RP1: variants seen among roughly 807,000 people sequenced by gnomAD.
The protein encoded by RP1 is RP1 axonemal microtubule associated, also known as oxygen-regulated protein 1.
RP1 carries 16 observed loss-of-function variants against 14.8 expected under a neutral mutation model. That is an observed-to-expected ratio of 1.08 (90% CI 0.73 to 1.65). RP1 has a LOEUF of 1.65. Ranked by LOEUF, RP1 falls within the 40% of genes most tolerant of loss-of-function variation. The probability of loss-of-function intolerance (pLI) is 0.00; values close to 1 mark genes in which losing one functional copy is unlikely to be tolerated. For synonymous variants in RP1, 876 were observed against 883.6 expected (o/e 0.99, Z 0.15); for missense variants, 2,631 against 2,535.0 (o/e 1.04, Z -0.81).
chr8:54,631,019 TATG>T (rs1806237490), downstream of RP1, among the ~76,000 whole-genome samples: 2 of 152,196 alleles, frequency 1.3e-5, no homozygotes, highest in African/African-American at 2.4e-5. Flanking sequence ...TGCATGACTA[TATG>T]ATGATATAGA....
chr8:54,722,188 C>T (rs1483301056), intron 16 of RP1, among the ~76,000 whole-genome samples: 1 of 149,796 alleles, frequency 6.7e-6, no homozygotes. Context: ...GCTGAGAACG[C>T]TCCCCTGCAC....
chr8:54,686,453 G>GT (rs1274473271), intron 12 of RP1, among the ~76,000 whole-genome samples: 7 of 151,166 alleles, frequency 4.6e-5, no homozygotes, highest in African/African-American at 1.5e-4. Context: ...TGTGAATTTA[G>GT]TTTTTTCCAT....
In RP1 at chr8:54,622,104, T is replaced by C; in HGVS notation, c.616-13T>C. The C allele has an allele frequency of 6.2e-7, 1 of 1,614,068 alleles. No homozygotes were observed. Among genetic ancestry groups the C allele is most frequent in the Non-Finnish European group, 8.5e-7 (1 of 1,179,930 alleles). On this transcript the variant is annotated splice_polypyrimidine_tract_variant and intron_variant, in intron 2 of 3. Coordinates refer to ENST00000220676, the MANE Select transcript of RP1 (RefSeq NM_006269.2). ...TGTGCTCATCTCAGGATAATGACTC[T>C]GGTCTCTTTTAGGTTCCCAGCCTCC...
At chr8:54,870,362 G>T (rs1812561159) in exon 29 of RP1, 1 of 154,614 alleles carries the variant, frequency 6.5e-6, no homozygotes, top group Non-Finnish European at 1.4e-5. Flanking sequence ...AACATTTGAT[G>T]CATGAAAAAC....
intron 1 of RP1, among the ~76,000 whole-genome samples, chr8:54,619,470 T>C (rs1399414508): frequency 1.3e-5 from 2 of 152,228 alleles, no homozygotes; most frequent in African/African-American, 4.8e-5. Context: ...AAGACACTAA[T>C]AATTAAAATG....
chr8:54,596,855 T>G (rs986031356), intron 1 of RP1, among the ~76,000 whole-genome samples: 1 of 152,232 alleles, frequency 6.6e-6, no homozygotes, highest in African/African-American at 2.4e-5. Flanking sequence ...TGGGTCCACC[T>G]CTGAAATTTT....
intron 25 of RP1, among the ~76,000 whole-genome samples, chr8:54,848,394 C>T (rs1811979408): frequency 6.6e-6 from 1 of 152,168 alleles, no homozygotes; most frequent in African/African-American, 2.4e-5. Flanking sequence ...GAGAGATAAA[C>T]TTCAGGTGTC....
At chr8:54,693,628 T>G (rs1807776974) in intron 12 of RP1, among the ~76,000 whole-genome samples, 1 of 152,156 alleles carries the variant, frequency 6.6e-6, no homozygotes, top group Admixed American at 6.6e-5. Context: ...TTGTCTGTTA[T>G]TGGTGTATAA....
Position 54,622,197 on chromosome 8 carries a change from T to A in RP1, c.696T>A (p.Tyr232Ter). 1 of 1,614,230 alleles carries A rather than the reference T, an allele frequency of 6.2e-7. No individual in the cohort carries two copies. Among genetic ancestry groups the A allele is most frequent in the Non-Finnish European group, 8.5e-7 (1 of 1,180,046 alleles). Residue 232 changes from tyrosine to a stop codon, truncating the protein, a stop_gained, in exon 3 of 4, where the codon TAT becomes TAA. Coordinates refer to ENST00000220676, the MANE Select transcript of RP1 (RefSeq NM_006269.2). LOFTEE classifies it high-confidence loss of function. Reference sequence around the variant, plus strand: ...GGGAGCCATTTAAACCAGGAAATTATGACATCCAAAAATACTTGCTTCCTG... The same window carrying A: ...GGGAGCCATTTAAACCAGGAAATTAAGACATCCAAAAATACTTGCTTCCTG... ...AGREPFKPGN[Y>*]DIQKYLLPAR...
At chr8:54,630,960 G>A (rs1227894885), downstream of RP1, 1 of 448,282 alleles carries the variant, frequency 2.2e-6, no homozygotes, top group Non-Finnish European at 2.9e-6. Flanking sequence ...GAATAATTGT[G>A]GTGTATTTCC....
At chr8:54,717,133 AG>A (rs1438968951) in intron 15 of RP1, among the ~76,000 whole-genome samples, 1 of 152,128 alleles carries the variant, frequency 6.6e-6, no homozygotes, top group Non-Finnish European at 1.5e-5. Flanking sequence ...CCCGTCCTCC[AG>A]GTTCTAGGAA....
At chr8:54,754,253 CATTCACT>C (rs1188551804) in intron 19 of RP1, among the ~76,000 whole-genome samples, 1 of 151,916 alleles carries the variant, frequency 6.6e-6, no homozygotes, top group Non-Finnish European at 1.5e-5. Flanking sequence ...ACTTAAAAGG[CATTCACT>C]TTTTTTTTCA....
Position 54,628,619 on chromosome 8 carries a change from A to T in RP1, c.4737A>T (p.Leu1579Phe). 6.2e-7 allele frequency: 1 copy of T among 1,614,008 alleles called. No homozygotes were observed. Among genetic ancestry groups the T allele is most frequent in the Non-Finnish European group, 8.5e-7 (1 of 1,179,922 alleles). The change falls in exon 4 of 4, where the codon TTA becomes TTT. Residue 1579 changes from leucine (L) to phenylalanine (F), a missense_variant. Coordinates refer to ENST00000220676, the MANE Select transcript of RP1 (RefSeq NM_006269.2). ...TGSYSESSPDLKKCIKSPVTS... is the reference protein window; with the variant it reads ...TGSYSESSPDFKKCIKSPVTS... Reference sequence around the variant, plus strand: ...GTTATTCAGAGTCCTCTCCTGATTTAAAAAAATGCATCAAAAGTCCAGTGA... The same window carrying T: ...GTTATTCAGAGTCCTCTCCTGATTTTAAAAAATGCATCAAAAGTCCAGTGA...
chr8:54,577,236 G>A (rs1172101054), intron 1 of RP1, among the ~76,000 whole-genome samples: 2 of 152,004 alleles, frequency 1.3e-5, no homozygotes, highest in Non-Finnish European at 2.9e-5. Context: ...ACCTGGTCTC[G>A]AACTCCTGAC....
rs1215412267 is a variant in RP1, at chr8:54,624,880, TTGAGA to T, written c.1002_1006del (p.Met335SerfsTer19). 2 of 1,613,894 alleles carry T rather than the reference TTGAGA, an allele frequency of 1.2e-6. No individual in the cohort carries two copies. Among genetic ancestry groups the T allele is most frequent in the Non-Finnish European group, 1.7e-6 (2 of 1,180,006 alleles). ...TTTAATCAAGACGGCACTATGACAGTTGAGATGAAAGTTCGATTCAGAATAAAAGA... is the reference window on the plus strand; with the variant it reads ...TTTAATCAAGACGGCACTATGACAGTTGAAAGTTCGATTCAGAATAAAAGA... On this transcript the variant is annotated frameshift_variant, in exon 4 of 4. Coordinates refer to ENST00000220676, the MANE Select transcript of RP1 (RefSeq NM_006269.2). LOFTEE classifies it low-confidence loss of function (END_TRUNC).
chr8:54,570,754 A>G (rs1804502664), intron 1 of RP1, among the ~76,000 whole-genome samples: 1 of 152,148 alleles, frequency 6.6e-6, no homozygotes, highest in Non-Finnish European at 1.5e-5. Context: ...TGTGTTTCAC[A>G]TTAAATAATA....
chr8:54,782,953 C>T (rs756925008), intron 23 of RP1, among the ~76,000 whole-genome samples: 7 of 152,020 alleles, frequency 4.6e-5, no homozygotes, highest in Non-Finnish European at 1.0e-4. Context: ...CTCCCCAAGC[C>T]CAATTCCTTT....
rs140451012 is a variant in RP1, at chr8:54,650,336, G to A, written c.951+1188G>A. 7.7e-3 allele frequency among the ~76,000 whole-genome samples: 1,172 copies of A among 152,140 alleles called. 10 individuals are homozygous for A. The highest frequency in any genetic ancestry group is 0.013 in the Non-Finnish European group (877 of 67,970). On this transcript the variant is annotated intron_variant, in intron 4 of 22. Coordinates refer to the RP1 transcript ENST00000636932. Reference sequence around the variant, plus strand: ...ACAGTTTCGTTTGTTCTAATGAATTGTTTTCTTGTAAGGGTTCTTAGGCAG... The same window carrying A: ...ACAGTTTCGTTTGTTCTAATGAATTATTTTCTTGTAAGGGTTCTTAGGCAG...
At position 54,739,066 on chromosome 8, in the gene RP1, C is replaced by T. The variant is rs552028207; in HGVS notation, c.2808+37C>T. ...ACTTATTTTTTTCTTCATAGTTATT[C>T]TCTGATGAAAAGAAGCAAGCTGGCT... On this transcript the variant is annotated intron_variant, in intron 19 of 22. Coordinates refer to the RP1 transcript ENST00000636932. 8.4e-4 allele frequency: 1,203 copies of T among 1,430,316 alleles called. 21 individuals are homozygous for T. In the South Asian group the frequency reaches 0.014, roughly 16 times the overall value. The allele number at this position is 1,430,316 out of a possible 1,614,324, so 88.6% of individuals were successfully genotyped here.
Sources: allele counts gnomAD v4.1 joint callset (sites outside exome capture counted in the v4.1 genomes callset), GRCh38; gene constraint gnomAD v4.1.1; transcripts MANE v1.5; gene names NCBI Gene and HGNC (gene_info 2026-07-23, HGNC 2026-07-21).